Variants in PAK5 observed in about 807,000 individuals in gnomAD.
PAK5 encodes serine/threonine-protein kinase PAK 5.
PAK5 carries 16 observed loss-of-function variants against 65.9 expected under a neutral mutation model. The ratio of observed to expected loss-of-function variants is 0.24; its 90% confidence interval spans 0.16 to 0.37. The LOEUF is 0.37. PAK5 is among the 10% of genes least tolerant of loss of function. The probability of loss-of-function intolerance (pLI) is 1.00; values close to 1 mark genes in which losing one functional copy is unlikely to be tolerated. For missense variants in PAK5, 785 were observed against 903.9 expected (o/e 0.87, Z 1.69); for synonymous variants, 371 against 354.9 (o/e 1.05, Z -0.51).
At chr20:9,682,997 C>T (rs975726891) in intron 2 of PAK5, among the ~76,000 whole-genome samples, 2 of 152,176 alleles carry the variant, frequency 1.3e-5, no homozygotes, top group Non-Finnish European at 2.9e-5. Flanking sequence ...TAAAACTTAG[C>T]GCTTAAGTAA....
intron 1 of PAK5, among the ~76,000 whole-genome samples, chr20:9,822,590 C>G (rs6056905): frequency 3.9e-4 from 59 of 152,324 alleles, no homozygotes; most frequent in African/African-American, 5.8e-4. Flanking sequence ...ATTGCCCAAT[C>G]AATAGCTCAC....
chr20:9,707,140 C>A (rs1312592922), intron 2 of PAK5, among the ~76,000 whole-genome samples: 1 of 151,176 alleles, frequency 6.6e-6, no homozygotes, highest in Non-Finnish European at 1.5e-5. Context: ...TTTCTTTTTT[C>A]TTTTCTTTTG....
rs183065975 is a variant in PAK5, at chr20:9,637,215, G to T, written c.204+6910C>A. 8.0e-4 allele frequency among the ~76,000 whole-genome samples: 121 copies of T among 152,158 alleles called. 1 individual carries two copies. Among genetic ancestry groups the T allele is most frequent in the African/African-American group, 2.7e-3 (113 of 41,492 alleles). On this transcript the variant is annotated intron_variant, in intron 3 of 9. Coordinates refer to ENST00000353224, the MANE Select transcript of PAK5 (RefSeq NM_177990.4). ...AGTGGAGACGAGGTTTTGCTAGGTT[G>T]CCCAGGTTGGTCTCAAACTCCTGAA...
rs747348291 is a variant in PAK5, at chr20:9,580,819, G to C, written c.316C>G (p.Pro106Ala). 4.9e-5 allele frequency: 79 copies of C among 1,613,846 alleles called. No individual in the cohort carries two copies. The highest frequency in any genetic ancestry group is 3.8e-5 in the Non-Finnish European group (45 of 1,179,998). ...CTGGAGGCTCCCTGATCTGGGGTGG[G>C]TGGGCTTTCTTTCCTTAGGGAGTTG... ...RSNSLRKESPPTPDQGASSHG... is the reference protein window; with the variant it reads ...RSNSLRKESPATPDQGASSHG... Residue 106 changes from proline (P) to alanine (A), a missense_variant, in exon 4 of 10, where the codon CCC becomes GCC. By Grantham distance (27) the Pro-to-Ala change is conservative. Transcript: ENST00000353224.
intron 6 of PAK5, among the ~76,000 whole-genome samples, chr20:9,560,414 T>A (rs1292429452): frequency 6.6e-6 from 1 of 152,128 alleles, no homozygotes; most frequent in African/African-American, 2.4e-5. Context: ...GGCTGGAGTG[T>A]AACGGCGCAA....
chr20:9,707,805 A>G (rs546150131), intron 2 of PAK5, among the ~76,000 whole-genome samples: 4 of 152,268 alleles, frequency 2.6e-5, no homozygotes, highest in South Asian at 2.1e-4. Flanking sequence ...ATGGGAGTGA[A>G]GCATCTGAGA....
chr20:9,617,546 ATCCTTTTTTTT>A (rs2123168771), intron 3 of PAK5, among the ~76,000 whole-genome samples: 1 of 141,928 alleles, frequency 7.0e-6, no homozygotes, highest in African/African-American at 2.5e-5. Flanking sequence ...AAGAATCCCA[ATCCTTTTTTTT>A]TTTTTTTTTT....
intron 7 of PAK5, among the ~76,000 whole-genome samples, chr20:9,554,548 T>C (rs530234926): frequency 6.6e-6 from 1 of 152,270 alleles, no homozygotes; most frequent in Non-Finnish European, 1.5e-5. Context: ...TAAGAGACAA[T>C]ACTAAAATGA....
At chr20:9,645,729 T>C (rs993126714) in intron 2 of PAK5, among the ~76,000 whole-genome samples, 1 of 151,988 alleles carries the variant, frequency 6.6e-6, no homozygotes, top group Non-Finnish European at 1.5e-5. Flanking sequence ...GGACTACAGG[T>C]GCCCTCCACC....
Position 9,690,633 on chromosome 20 carries a change from ACC to A in PAK5, c.-12+20651_-12+20652del, listed in dbSNP as rs144739179. 3.5e-3 allele frequency among the ~76,000 whole-genome samples: 536 copies of A among 151,414 alleles called. 4 individuals carry two copies. The highest frequency in any genetic ancestry group is 0.012 in the African/African-American group (506 of 41,240). On this transcript the variant is annotated intron_variant, in intron 2 of 9. Transcript: ENST00000353224. Reference sequence around the variant, plus strand: ...ATACCACTGCCAGCCCCTGCTTCCCACCCTGGATCTAGGAAGCTGCAGCATTT... The same window carrying A: ...ATACCACTGCCAGCCCCTGCTTCCCACTGGATCTAGGAAGCTGCAGCATTT...
intron 3 of PAK5, among the ~76,000 whole-genome samples, chr20:9,620,203 T>C (rs2046744194): frequency 1.3e-5 from 2 of 152,228 alleles, no homozygotes; most frequent in Non-Finnish European, 2.9e-5. Flanking sequence ...ACATGGACAA[T>C]TATTTCCCCT....
At chr20:9,755,473 A>G (rs967967950) in intron 1 of PAK5, among the ~76,000 whole-genome samples, 6 of 152,330 alleles carry the variant, frequency 3.9e-5, no homozygotes, top group Middle Eastern at 3.4e-3. Flanking sequence ...GCAAAGACAC[A>G]GTCTTTGACC....
intron 2 of PAK5, among the ~76,000 whole-genome samples, chr20:9,661,514 C>A (rs563122317): frequency 3.9e-5 from 6 of 152,102 alleles, no homozygotes; most frequent in Admixed American, 2.0e-4. Context: ...AATGAATTGT[C>A]TCCAATGACT....
At position 9,537,988 on chromosome 20, in the gene PAK5, T is replaced by C. The variant is rs2045197867; in HGVS notation, c.*1474A>G. On this transcript the variant is annotated 3_prime_UTR_variant, in exon 10 of 10. Transcript: ENST00000353224. ...ATTTAAATTCATATTTGTTACAGTA[T>C]GTGAAATAGTTAAGAAAAGCCTCTG... 1 of 231,936 alleles carries C rather than the reference T, an allele frequency of 4.3e-6. No homozygotes were observed. The highest frequency in any genetic ancestry group is 1.8e-4 in the South Asian group (1 of 5,512). The allele number at this position is 231,936 out of a possible 1,614,324, so 14.4% of individuals were successfully genotyped here.
intron 1 of PAK5, among the ~76,000 whole-genome samples, chr20:9,798,036 G>A (rs1443590895): frequency 6.6e-6 from 1 of 152,088 alleles, no homozygotes; most frequent in Non-Finnish European, 1.5e-5. Context: ...TATTAGCTGT[G>A]GCATATGTTA....
chr20:9,833,114 T>C (rs143149873), intron 1 of PAK5, among the ~76,000 whole-genome samples: 2 of 152,356 alleles, frequency 1.3e-5, no homozygotes, highest in East Asian at 3.9e-4. Flanking sequence ...GCATATAAAC[T>C]TATCAATTTA....
chr20:9,686,337 C>T (rs149704675), intron 2 of PAK5, among the ~76,000 whole-genome samples: 2 of 152,292 alleles, frequency 1.3e-5, no homozygotes, highest in African/African-American at 4.8e-5. Context: ...GATGTGAGGG[C>T]AGGAGGAGAC....
At chr20:9,540,010 T>C (rs2045235060) in intron 9 of PAK5, among the ~76,000 whole-genome samples, 1 of 152,248 alleles carries the variant, frequency 6.6e-6, no homozygotes, top group African/African-American at 2.4e-5. Flanking sequence ...ACAGGCTCTG[T>C]GGAACCCCTT....
At chr20:9,644,640 G>A (rs1600189870) in intron 2 of PAK5, among the ~76,000 whole-genome samples, 1 of 152,192 alleles carries the variant, frequency 6.6e-6, no homozygotes, top group African/African-American at 2.4e-5. Context: ...CAGGGCAGAA[G>A]TTTTTGAAGG....
Sources: gnomAD v4.1 joint callset for allele counts (sites outside exome capture counted in the v4.1 genomes callset) on GRCh38, gnomAD v4.1.1 for gene constraint, MANE v1.5 for transcripts, NCBI Gene and HGNC (gene_info 2026-07-23, HGNC 2026-07-21) for gene names.